The following EP300 variants were observed in gnomAD, a reference collection of about 807,000 sequenced individuals.
EP300 encodes EP300 lysine acetyltransferase.
In EP300, 31 loss-of-function variants were observed where a neutral mutation model predicts 264.0. The observed-to-expected ratio is 0.12, with a 90% confidence interval of 0.09 to 0.16. EP300 has a LOEUF of 0.16. Among genes scored for constraint, EP300 ranks in the 10% least tolerant of loss-of-function variants. The pLI is 1.00. For synonymous variants in EP300, 1,340 were observed against 1,045.4 expected (o/e 1.28, Z -5.44); for missense variants, 2,766 against 3,052.9 (o/e 0.91, Z 2.21).
chr22:41,174,857 TTAGAGAGGAATTTGTTA>T (rs1178252395), intron 29 of EP300: 1 of 152,152 alleles, frequency 6.6e-6, no homozygotes, highest in Non-Finnish European at 1.5e-5. Context: ...AAAATCTTTT[TTAGAGAGGAATTTGTTA>T]TAATGATGTT....
intron 8 of EP300, among the ~76,000 whole-genome samples, chr22:41,139,425 A>T (rs1382785371): frequency 6.6e-6 from 1 of 152,176 alleles, no homozygotes; most frequent in East Asian, 1.9e-4. Flanking sequence ...TGATCATTTG[A>T]CTTTACGTTA....
intron 1 of EP300, among the ~76,000 whole-genome samples, chr22:41,106,210 A>G (rs1453954968): frequency 6.6e-6 from 1 of 152,180 alleles, no homozygotes; most frequent in Non-Finnish European, 1.5e-5. Context: ...ACAGTTTTAA[A>G]ATTTCATGCT....
chr22:41,125,958 A>C lies in EP300; in HGVS notation c.824A>C (p.Gln275Pro). 1.2e-6 allele frequency: 2 copies of C among 1,614,224 alleles called. No homozygotes were observed. Among genetic ancestry groups the C allele is most frequent in the Non-Finnish European group, 1.7e-6 (2 of 1,180,042 alleles). ...GCCAGTGGCCTTGGTCTCCAGATTC[A>C]GACAAAAACTGTACTATCAAATAAC... is the stretch of plus-strand genomic sequence containing the variant. ...IGASGLGLQI[Q>P]TKTVLSNNLS... The change falls in exon 3 of 31, where the codon CAG becomes CCG. Residue 275 changes from glutamine (Q) to proline (P), a missense_variant. Coordinates refer to ENST00000263253, the MANE Select transcript of EP300 (RefSeq NM_001429.4).
chr22:41,172,826 A>G (rs1489266607), intron 28 of EP300, among the ~76,000 whole-genome samples, 163 bp downstream of exon 28: 2 of 152,216 alleles, frequency 1.3e-5, no homozygotes, highest in Admixed American at 6.5e-5. Context: ...GTTCTGTTTC[A>G]GTGGTATTAA....
Position 41,093,049 on chromosome 22 carries a change from G to A in EP300, c.45G>A (p.Arg15=), listed in dbSNP as rs752119517. 16 of 1,614,020 alleles carry A rather than the reference G, an allele frequency of 9.9e-6. No individual in the cohort carries two copies. In the African/African-American group the frequency reaches 2.1e-4, roughly 22 times the overall value. ...AACCGGGGCCGCCTTCAGCCAAGCG[G>A]CCTAAACTCTCATCTCCGGCCCTCT... The part of the protein sequence containing the change: ...VVEPGPPSAK[R]PKLSSPALSA... The change falls in exon 1 of 31, where the codon CGG becomes CGA. Residue 15 remains arginine, a synonymous_variant. Transcript: ENST00000263253.
chr22:41,109,610 A>G (rs1254708374), intron 1 of EP300, among the ~76,000 whole-genome samples: 1 of 152,220 alleles, frequency 6.6e-6, no homozygotes, highest in East Asian at 1.9e-4. Flanking sequence ...TGTGCCAGGT[A>G]CTGTTCTAAA....
rs71328777 is a variant in EP300, at chr22:41,167,560, T to TTGTGTG, written c.3875-869_3875-864dup. 3.4e-3 allele frequency among the ~76,000 whole-genome samples: 175 copies of TTGTGTG among 51,038 alleles called. 1 individual carries two copies. The highest frequency in any genetic ancestry group is 0.02 in the Middle Eastern group (2 of 98). 33.5% of individuals were successfully genotyped at this position (51,038 alleles called of 152,430 possible). A position where few individuals can be genotyped will look rare whatever the true frequency, so the allele number is the denominator to read the frequency against. The stretch of plus-strand genomic sequence containing the variant: ...ATAGAGATGTTCATTGTTTATATAT[T>TTGTGTG]TGTGTGTGTGTGTGTGTGTGTGTGT... On this transcript the variant is annotated intron_variant, in intron 23 of 30. Transcript: ENST00000263253.
chr22:41,157,559 C>T lies in EP300; in HGVS notation c.3501+151C>T, dbSNP rs995686639. 23 of 984,492 alleles carry T rather than the reference C, an allele frequency of 2.3e-5. No homozygotes were observed. In the East Asian group the frequency reaches 3.1e-4, roughly 13 times the overall value. 61.0% of individuals were successfully genotyped at this position (984,492 alleles called of 1,614,324 possible). A position where few individuals can be genotyped will look rare whatever the true frequency, so the allele number is the denominator to read the frequency against. On this transcript the variant is annotated intron_variant, in intron 18 of 30. Coordinates refer to ENST00000263253, the MANE Select transcript of EP300 (RefSeq NM_001429.4). ...TCCTTTTTGACAGGGTCTTATTCTC[C>T]CAGGCTGGAGTGCAGTGGTGAGGTC...
At chr22:41,147,691 T>A in intron 11 of EP300, 146 bp from the exon 12 acceptor site, 1 of 631,054 alleles carries the variant, frequency 1.6e-6, no homozygotes, top group Non-Finnish European at 2.9e-6. Flanking sequence ...TGAGCGGAGA[T>A]TGCGCCACTG....
chr22:41,138,272 T>C (rs2058963430), intron 8 of EP300, among the ~76,000 whole-genome samples: 3 of 152,160 alleles, frequency 2.0e-5, no homozygotes, highest in South Asian at 2.1e-4. Flanking sequence ...CCAGTGATTC[T>C]CCTGTCTCAG....
chr22:41,134,342 C>T (rs1041632295), intron 6 of EP300, among the ~76,000 whole-genome samples: 1 of 151,644 alleles, frequency 6.6e-6, no homozygotes, highest in Non-Finnish European at 1.5e-5. Context: ...GTTTTTGAGA[C>T]TGGGTCTGAT....
intron 6 of EP300, among the ~76,000 whole-genome samples, chr22:41,132,286 C>CTTTTTTTTTT (rs532779902): frequency 1.8e-5 from 1 of 56,760 alleles, no homozygotes; most frequent in African/African-American, 5.4e-5. Flanking sequence ...TTCTTTCATT[C>CTTTTTTTTTT]TTTTTTTTTT....
At chr22:41,165,872 C>CA (rs2145758411) in intron 22 of EP300, among the ~76,000 whole-genome samples, 1 of 152,128 alleles carries the variant, frequency 6.6e-6, no homozygotes, top group East Asian at 1.9e-4. Flanking sequence ...TGGGTTCAGG[C>CA]AATTCTCCTG....
chr22:41,157,690 T>A (rs1479662505), intron 18 of EP300, among the ~76,000 whole-genome samples: 1 of 151,912 alleles, frequency 6.6e-6, no homozygotes, highest in African/African-American at 2.4e-5. Flanking sequence ...GCTGATTTTT[T>A]AAATTTGTTT....
rs948009166 is a variant in EP300 at position 41,130,529 on chromosome 22, T to TA, written c.1282+534dup. Among the ~76,000 whole-genome samples, 36 of 150,360 alleles carry TA rather than the reference T, an allele frequency of 2.4e-4. No homozygotes were observed. The South Asian group carries it at 5.0e-3, about 21-fold the overall frequency. ...GGGTGACACAAGGATACCCTGTCTT[T>TA]AAAAAAAACAAAACAAAACAAAACA... is the stretch of plus-strand genomic sequence containing the variant. On this transcript the variant is annotated intron_variant, in intron 5 of 30. Transcript: ENST00000263253.
At chr22:41,129,823 C>T in intron 4 of EP300, 67 bp from the exon 5 acceptor site, 1 of 1,218,848 alleles carries the variant, frequency 8.2e-7, no homozygotes, top group South Asian at 1.2e-5. Context: ...AAGTGGTCAA[C>T]AAGTTAGCTA....
chr22:41,102,258 G>A (rs1017638970), intron 1 of EP300, among the ~76,000 whole-genome samples: 2 of 152,038 alleles, frequency 1.3e-5, no homozygotes, highest in Non-Finnish European at 2.9e-5. Context: ...TGGCATTCAC[G>A]GAGTCTGGTG....
Position 41,151,953 on chromosome 22 carries a change from G to A in EP300, c.2938G>A (p.Ala980Thr), listed in dbSNP as rs918284554. The A allele has an allele frequency of 2.5e-6, 4 of 1,614,154 alleles. No individual in the cohort carries two copies. The highest frequency in any genetic ancestry group is 3.4e-6 in the Non-Finnish European group (4 of 1,180,034). Residue 980 changes from alanine (A) to threonine (T), a missense_variant, in exon 15 of 31, where the codon GCC (alanine) becomes ACC (threonine). Coordinates refer to ENST00000263253, the MANE Select transcript of EP300 (RefSeq NM_001429.4). The stretch of plus-strand genomic sequence containing the variant: ...GCCTTCCCAGGAAGTGAAGATGGAG[G>A]CCAAAATGGAAGTGGATCAACCAGA... ...KQPSQEVKME[A>T]KMEVDQPEPA... is the part of the protein sequence containing the mutation.
At chr22:41,163,619 C>T (rs570179821) in intron 21 of EP300, among the ~76,000 whole-genome samples, 57 of 151,672 alleles carry the variant, frequency 3.8e-4, no homozygotes, top group Non-Finnish European at 6.0e-4. Flanking sequence ...TGGTGGTGCG[C>T]GCCTGTAATC....
Sources: allele counts gnomAD v4.1 joint callset (sites outside exome capture counted in the v4.1 genomes callset), GRCh38; gene constraint gnomAD v4.1.1; transcripts MANE v1.5; gene names NCBI Gene and HGNC (gene_info 2026-07-23, HGNC 2026-07-21).